SPAG7: variants seen among roughly 807,000 people sequenced by gnomAD.
SPAG7 encodes sperm associated antigen 7, also known as sperm-associated antigen 7.
A neutral mutation model predicts 30.6 loss-of-function variants in SPAG7; 20 were observed. That is an observed-to-expected ratio of 0.65 (90% CI 0.46 to 0.95). The LOEUF is 0.95. SPAG7 is among the 40% of genes least tolerant of loss of function. The pLI is 0.00. For synonymous variants in SPAG7, 127 were observed against 104.2 expected (o/e 1.22, Z -1.33); for missense variants, 276 against 291.1 (o/e 0.95, Z 0.38).
chr17:4,964,146 C>A (rs1415487381), intron 1 of SPAG7, among the ~76,000 whole-genome samples: 1 of 151,740 alleles, frequency 6.6e-6, no homozygotes, highest in Non-Finnish European at 1.5e-5. Flanking sequence ...TCTTATTTAA[C>A]TTTCTTCCTC....
chr17:4,964,556 T>C (rs1459937196), intron 1 of SPAG7, among the ~76,000 whole-genome samples: 3 of 151,534 alleles, frequency 2.0e-5, no homozygotes, highest in South Asian at 4.2e-4. Context: ...GGAGACAAGG[T>C]TTCACCGTTT....
At chr17:4,963,068 A>G (rs1443913233) in intron 1 of SPAG7, among the ~76,000 whole-genome samples, 1 of 151,778 alleles carries the variant, frequency 6.6e-6, no homozygotes, top group Non-Finnish European at 1.5e-5. Flanking sequence ...TGCCTGGACT[A>G]TAGTTAGTTC....
At chr17:4,965,180 T>G (rs990441485) in intron 1 of SPAG7, among the ~76,000 whole-genome samples, 2 of 152,216 alleles carry the variant, frequency 1.3e-5, no homozygotes, top group Admixed American at 6.5e-5. Context: ...CCCAAAGTGT[T>G]GGGATTACAG....
rs1242699364 is a variant in SPAG7, at chr17:4,959,495, T to C, written c.*39A>G. Reference sequence around the variant, plus strand: ...AGCAGCCTTGTCTCTCCCTGCCCCCTGCCCTGCCCCAGGGGTCAAAGGGAG... The same window carrying C: ...AGCAGCCTTGTCTCTCCCTGCCCCCCGCCCTGCCCCAGGGGTCAAAGGGAG... On this transcript the variant is annotated 3_prime_UTR_variant, in exon 7 of 7. Transcript: ENST00000206020. The C allele has an allele frequency of 6.5e-7, 1 of 1,547,442 alleles. No individual in the cohort carries two copies. Among genetic ancestry groups the C allele is most frequent in the Non-Finnish European group, 8.9e-7 (1 of 1,125,764 alleles).
chr17:4,960,874 C>T (rs768582608), intron 1 of SPAG7, 21 bp from the exon 2 acceptor site: 2 of 1,612,378 alleles, frequency 1.2e-6, no homozygotes, highest in South Asian at 1.1e-5. Flanking sequence ...GAAATGGCAA[C>T]ATGAAGCCAG....
intron 1 of SPAG7, 64 bp downstream of exon 1, chr17:4,967,656 A>C: frequency 7.8e-7 from 1 of 1,284,472 alleles, no homozygotes; most frequent in Non-Finnish European, 1.1e-6. Flanking sequence ...CATCGTCCAA[A>C]GAGGGAGAAG....
intron 1 of SPAG7, among the ~76,000 whole-genome samples, chr17:4,964,675 T>G (rs972927778): frequency 6.6e-6 from 1 of 152,010 alleles, no homozygotes; most frequent in Non-Finnish European, 1.5e-5. Flanking sequence ...CCTTTACATC[T>G]TTAAGGCCTC....
chr17:4,960,793 C>T lies in SPAG7; in HGVS notation c.146G>A (p.Arg49His), dbSNP rs776482131. Residue 49 changes from arginine (R) to histidine (H), a missense_variant, in exon 2 of 7, where the codon CGT becomes CAT. Coordinates refer to ENST00000206020, the MANE Select transcript of SPAG7 (RefSeq NM_004890.3). The stretch of plus-strand genomic sequence containing the variant: ...CACTCCAGTTGTTCTCACCCTTTTA[C>T]GAAACTCCACTTTCTGTTGTTTCTC... Reference protein sequence around the residue: ...EQEKQQKVEFRKRMEKEVSDF... With the variant: ...EQEKQQKVEFHKRMEKEVSDF... 4 of 1,613,938 alleles carry T rather than the reference C, an allele frequency of 2.5e-6. No individual in the cohort carries two copies. The highest frequency in any genetic ancestry group is 2.7e-5 in the African/African-American group (2 of 74,916).
intron 1 of SPAG7, among the ~76,000 whole-genome samples, chr17:4,962,839 C>G (rs748293323): frequency 6.6e-6 from 1 of 152,046 alleles, no homozygotes; most frequent in Non-Finnish European, 1.5e-5. Flanking sequence ...TGGGCCCAGG[C>G]TGGTCTCGAA....
intron 1 of SPAG7, 55 bp from the exon 2 acceptor site, chr17:4,960,908 G>T (rs1971851223): frequency 2.0e-6 from 3 of 1,526,902 alleles, no homozygotes; most frequent in Middle Eastern, 1.7e-4. Flanking sequence ...GGTGGGAAAG[G>T]TTTCTAAGGC....
chr17:4,962,200 G>A (rs576832548), intron 1 of SPAG7, among the ~76,000 whole-genome samples: 38 of 151,892 alleles, frequency 2.5e-4, no homozygotes, highest in Non-Finnish European at 4.6e-4. Context: ...TGCAAACTCC[G>A]TCTCCCAGGT....
At chr17:4,960,720 C>T (rs947293140) in intron 2 of SPAG7, 66 bp downstream of exon 2, 9 of 1,526,986 alleles carry the variant, frequency 5.9e-6, no homozygotes, top group Middle Eastern at 1.7e-4. Context: ...GAGTCCTCAA[C>T]CTTCCAATTT....
At chr17:4,967,692 A>T (rs753924067) in intron 1 of SPAG7, 28 bp downstream of exon 1, 1 of 1,566,278 alleles carries the variant, frequency 6.4e-7, no homozygotes. Flanking sequence ...CGGGCGAAGG[A>T]AGGCGGTTGT....
intron 1 of SPAG7, 23 bp downstream of exon 1, chr17:4,967,697 G>A (rs369296491): frequency 5.7e-6 from 9 of 1,583,174 alleles, no homozygotes; most frequent in South Asian, 1.1e-5. Flanking sequence ...GAAGGAAGGC[G>A]GTTGTGAATT....
At chr17:4,960,602 C>A (rs1281033479) in intron 2 of SPAG7, 55 bp from the exon 3 acceptor site, 4 of 1,475,304 alleles carry the variant, frequency 2.7e-6, no homozygotes, top group Non-Finnish European at 9.4e-7. Context: ...CCAAGTACCC[C>A]TCTCCCTAGC....
intron 1 of SPAG7, among the ~76,000 whole-genome samples, chr17:4,961,273 A>G (rs1329316165): frequency 2.6e-5 from 4 of 151,546 alleles, no homozygotes; most frequent in African/African-American, 9.7e-5. Flanking sequence ...CCTGGTCAAC[A>G]TGGTGAAACC....
Position 4,959,320 on chromosome 17 carries a change from TGTGC to T in SPAG7, c.*210_*213del, listed in dbSNP as rs1971816933. Reference sequence around the variant, plus strand: ...GAATAATACAGATTAAATACCCACCTGTGCATTCACACTCTCACACACACACACA... The same window carrying T: ...GAATAATACAGATTAAATACCCACCTATTCACACTCTCACACACACACACA... On this transcript the variant is annotated 3_prime_UTR_variant, in exon 7 of 7. Coordinates refer to ENST00000206020, the MANE Select transcript of SPAG7 (RefSeq NM_004890.3). The T allele has an allele frequency of 2.7e-5, 16 of 589,840 alleles. No homozygotes were observed. Among genetic ancestry groups the T allele is most frequent in the Middle Eastern group, 4.4e-4 (1 of 2,248 alleles). 36.5% of individuals were successfully genotyped at this position (589,840 alleles called of 1,614,324 possible).
intron 1 of SPAG7, among the ~76,000 whole-genome samples, chr17:4,961,477 C>T (rs1214978086): frequency 6.7e-6 from 1 of 148,552 alleles, no homozygotes; most frequent in South Asian, 2.2e-4. Flanking sequence ...AAGAGATGGC[C>T]GGGTGCAGTG....
chr17:4,966,196 T>C (rs1971947971), intron 1 of SPAG7: 1 of 152,318 alleles, frequency 6.6e-6, no homozygotes. Flanking sequence ...CAGACTGGTC[T>C]TGAACTCCTG....
Sources: allele counts gnomAD v4.1 joint callset (sites outside exome capture counted in the v4.1 genomes callset), GRCh38; gene constraint gnomAD v4.1.1; transcripts MANE v1.5; gene names NCBI Gene and HGNC (gene_info 2026-07-23, HGNC 2026-07-21).